Variants in ATP6V1H observed in about 807,000 individuals in gnomAD.
The protein encoded by ATP6V1H is V-type proton ATPase subunit H.
In ATP6V1H, 39 loss-of-function variants were observed where a neutral mutation model predicts 71.7. That is an observed-to-expected ratio of 0.54 (90% confidence interval 0.42 to 0.71). ATP6V1H has a LOEUF of 0.71. Ranked by LOEUF, ATP6V1H falls within the 30% of genes least tolerant of loss-of-function variation. The pLI is 0.00. For missense variants in ATP6V1H, 509 were observed against 594.9 expected (o/e 0.86, Z 1.50); for synonymous variants, 192 against 199.3 (o/e 0.96, Z 0.31).
intron 2 of ATP6V1H, among the ~76,000 whole-genome samples, chr8:53,840,169 C>T (rs1811296513): frequency 6.6e-6 from 1 of 152,134 alleles, no homozygotes; most frequent in African/African-American, 2.4e-5. Flanking sequence ...GTGCACCTGC[C>T]AGACCCTGTG....
chr8:53,755,504 G>C (rs1249769042), intron 12 of ATP6V1H, among the ~76,000 whole-genome samples: 1 of 143,352 alleles, frequency 7.0e-6, no homozygotes, highest in Non-Finnish European at 1.5e-5. Context: ...TAGGTTACGG[G>C]GGGTGGGGGT....
chr8:53,764,941 T>C (rs1487704911), intron 11 of ATP6V1H, among the ~76,000 whole-genome samples: 1 of 152,062 alleles, frequency 6.6e-6, no homozygotes, highest in African/African-American at 2.4e-5. Flanking sequence ...TCCACAAAAA[T>C]TTAACAAAAA....
At chr8:53,741,794 A>G (rs1237281177) in intron 13 of ATP6V1H, among the ~76,000 whole-genome samples, 3 of 152,288 alleles carry the variant, frequency 2.0e-5, no homozygotes, top group Admixed American at 2.0e-4. Context: ...TTATGGAAAA[A>G]AGTAAAAAAC....
chr8:53,784,028 G>A (rs1809270420), intron 9 of ATP6V1H, among the ~76,000 whole-genome samples: 1 of 152,162 alleles, frequency 6.6e-6, no homozygotes, highest in South Asian at 2.1e-4. Flanking sequence ...GTTGATTTGG[G>A]GTACAGAGTT....
At chr8:53,831,301 A>G (rs1300635624) in intron 3 of ATP6V1H, among the ~76,000 whole-genome samples, 1 of 152,162 alleles carries the variant, frequency 6.6e-6, no homozygotes, top group African/African-American at 2.4e-5. Flanking sequence ...ATGGCTCCAC[A>G]CCTGTACAGT....
chr8:53,784,849 A>C lies in ATP6V1H; in HGVS notation c.870+10798T>G, dbSNP rs542329779. ...TGGGTTGAAAATTCCTTTCTTTAAG[A>C]ATGTTGAATATTGGCCCCCACTCTC... On this transcript the variant is annotated intron_variant, in intron 9 of 13. Transcript: ENST00000359530. 5.2e-3 allele frequency among the ~76,000 whole-genome samples: 785 copies of C among 152,322 alleles called. 6 individuals are homozygous for C. The highest frequency in any genetic ancestry group is 0.018 in the African/African-American group (743 of 41,566).
intron 11 of ATP6V1H, among the ~76,000 whole-genome samples, chr8:53,768,792 G>A (rs879155706): frequency 2.0e-5 from 3 of 152,104 alleles, no homozygotes; most frequent in South Asian, 2.1e-4. Flanking sequence ...GAGAGGTGAC[G>A]GCCAAAGGAT....
chr8:53,806,069 T>C (rs1585807960), intron 7 of ATP6V1H, among the ~76,000 whole-genome samples: 2 of 152,170 alleles, frequency 1.3e-5, no homozygotes, highest in East Asian at 3.9e-4. Context: ...ATGTAAGTTA[T>C]GACATAATTT....
Position 53,756,607 on chromosome 8 carries a change from C to G in ATP6V1H, c.1225G>C (p.Val409Leu). The G allele has an allele frequency of 6.2e-7, 1 of 1,614,112 alleles. No homozygotes were observed. Among genetic ancestry groups the G allele is most frequent in the Non-Finnish European group, 8.5e-7 (1 of 1,179,984 alleles). The change falls in exon 12 of 14, where the codon GTT (valine) becomes CTT (leucine). Residue 409 changes from valine to leucine, a missense_variant. Transcript: ENST00000359530. The stretch of plus-strand genomic sequence containing the variant: ...TATTCTCCAACATCGTGAGCAGCAA[C>G]AGCTAAGACTTGGGGATCATCTGAC... ...EVSDDPQVLA[V>L]AAHDVGEYVR... is the part of the protein sequence containing the mutation.
chr8:53,748,469 C>A (rs1807683874), intron 12 of ATP6V1H, among the ~76,000 whole-genome samples: 1 of 152,286 alleles, frequency 6.6e-6, no homozygotes, highest in East Asian at 1.9e-4. Context: ...CAGAAATGTT[C>A]ACACAGATGT....
intron 9 of ATP6V1H, among the ~76,000 whole-genome samples, chr8:53,779,832 G>C (rs1051383055): frequency 6.6e-6 from 1 of 152,028 alleles, no homozygotes; most frequent in East Asian, 1.9e-4. Flanking sequence ...TTCATTACAT[G>C]TATTTGTTGA....
At chr8:53,764,454 T>C (rs1808379759) in intron 11 of ATP6V1H, among the ~76,000 whole-genome samples, 1 of 152,150 alleles carries the variant, frequency 6.6e-6, no homozygotes, top group Admixed American at 6.5e-5. Flanking sequence ...AGGAAAATTA[T>C]TTGACAAATT....
At position 53,829,546 on chromosome 8, in the gene ATP6V1H, A is replaced by T; in HGVS notation, c.217-13T>A. On this transcript the variant is annotated splice_polypyrimidine_tract_variant and intron_variant, in intron 3 of 13. Transcript: ENST00000359530. ...ATGTTTTAGCACACTAAAAAAAAAA[A>T]TGAAATTAAAGTTATTGTTTTTATT... 1 of 1,477,916 alleles carries T rather than the reference A, an allele frequency of 6.8e-7. No individual in the cohort carries two copies. The highest frequency in any genetic ancestry group is 2.0e-5 in the Admixed American group (1 of 48,858). 91.6% of individuals were successfully genotyped at this position (1,477,916 alleles called of 1,614,324 possible).
At chr8:53,760,671 T>C (rs1047428697) in intron 11 of ATP6V1H, among the ~76,000 whole-genome samples, 1 of 152,140 alleles carries the variant, frequency 6.6e-6, no homozygotes, top group East Asian at 1.9e-4. Flanking sequence ...TGCAGACCCA[T>C]ACAGATTCAC....
At chr8:53,762,229 T>A (rs1181143596) in intron 11 of ATP6V1H, among the ~76,000 whole-genome samples, 1 of 150,886 alleles carries the variant, frequency 6.6e-6, no homozygotes, top group Non-Finnish European at 1.5e-5. Flanking sequence ...AGGTAGAAGG[T>A]GAAAAACTGT....
chr8:53,817,517 C>T lies in ATP6V1H; in HGVS notation c.320G>A (p.Arg107His), dbSNP rs562675599. 1.9e-5 allele frequency: 30 copies of T among 1,608,814 alleles called. No individual in the cohort carries two copies. Among genetic ancestry groups the T allele is most frequent in the Admixed American group, 6.7e-5 (4 of 59,492 alleles). The change falls in exon 5 of 14, where the codon CGT becomes CAT. Residue 107 changes from arginine to histidine, a missense_variant. Around this residue, in one of 2 missense-constraint regions of ATP6V1H, gnomAD observed 297 missense variants for 303.3 expected, o/e 0.98. Transcript: ENST00000359530. ...TGCATAGTCAAAGAAAATGCTAACA[C>T]GCTGATGATTTTCCTAAAAAAGAAA... is the stretch of plus-strand genomic sequence containing the variant. ...VDDMLQENHQ[R>H]VSIFFDYARC...
intron 2 of ATP6V1H, among the ~76,000 whole-genome samples, chr8:53,837,396 T>G (rs1225982305): frequency 6.6e-6 from 1 of 151,874 alleles, no homozygotes; most frequent in African/African-American, 2.4e-5. Flanking sequence ...CTTTTCAGCC[T>G]GCACTCCAGT....
chr8:53,743,445 T>C lies in ATP6V1H; in HGVS notation c.1391+132A>G, dbSNP rs149427906. On this transcript the variant is annotated intron_variant, in intron 13 of 13. Transcript: ENST00000359530. ...GTCATTGCTCTGAATTACTAAAATATATTTCTAAATTTTGAATCAAAATAA... is the reference window on the plus strand; with the variant it reads ...GTCATTGCTCTGAATTACTAAAATACATTTCTAAATTTTGAATCAAAATAA... The C allele has an allele frequency of 1.9e-5, 13 of 675,190 alleles. No individual in the cohort carries two copies. In the East Asian group the frequency reaches 3.6e-4, roughly 19 times the overall value. The allele number at this position is 675,190 out of a possible 1,614,324, so 41.8% of individuals were successfully genotyped here.
At chr8:53,819,596 CACAT>C (rs1189919644) in intron 4 of ATP6V1H, among the ~76,000 whole-genome samples, 1 of 118,272 alleles carries the variant, frequency 8.5e-6, no homozygotes, top group Non-Finnish European at 1.7e-5. Context: ...AAAATACACA[CACAT>C]ACACACATTG....
Sources: gnomAD v4.1 joint callset for allele counts (sites outside exome capture counted in the v4.1 genomes callset) on GRCh38, gnomAD v4.1.1 for gene constraint, gnomAD v4.1.1 regional missense constraint, MANE v1.5 for transcripts, NCBI Gene and HGNC (gene_info 2026-07-23, HGNC 2026-07-21) for gene names.